AP3B1: variants seen among roughly 807,000 people sequenced by gnomAD.
The protein encoded by AP3B1 is AP-3 complex subunit beta-1.
AP3B1 carries 61 observed loss-of-function variants against 132.5 expected under a neutral mutation model. That is an observed-to-expected ratio of 0.46 (90% CI 0.37 to 0.57). AP3B1 has a LOEUF of 0.57. AP3B1 is among the 20% of genes least tolerant of loss of function. AP3B1 has a pLI of 0.00. For missense variants in AP3B1, 1,120 were observed against 1,289.4 expected (o/e 0.87, Z 2.01); for synonymous variants, 388 against 438.3 (o/e 0.89, Z 1.43).
chr5:78,178,529 C>T (rs140791788), intron 8 of AP3B1, among the ~76,000 whole-genome samples: 209 of 152,120 alleles, frequency 1.4e-3, no homozygotes, highest in Middle Eastern at 3.4e-3. Flanking sequence ...GGTTGGGACA[C>T]GAGAATCATT....
intron 2 of AP3B1, among the ~76,000 whole-genome samples, chr5:78,262,724 G>A (rs1748148130): frequency 6.7e-6 from 1 of 149,690 alleles, no homozygotes; most frequent in Non-Finnish European, 1.5e-5. Flanking sequence ...ATGGGGTCTC[G>A]CTCTGTTGCC....
chr5:78,119,366 A>G (rs1752041324), intron 17 of AP3B1, among the ~76,000 whole-genome samples: 1 of 152,210 alleles, frequency 6.6e-6, no homozygotes, highest in Non-Finnish European at 1.5e-5. Context: ...CTGAGAGAAG[A>G]AGGCTTCAGA....
chr5:78,044,312 G>C (rs1321059133), intron 22 of AP3B1, among the ~76,000 whole-genome samples: 2 of 152,198 alleles, frequency 1.3e-5, no homozygotes, highest in African/African-American at 2.4e-5. Flanking sequence ...CTAAGGCTAT[G>C]ATAATCAACC....
intron 14 of AP3B1, among the ~76,000 whole-genome samples, chr5:78,150,162 C>T (rs1244163305): frequency 6.6e-6 from 1 of 152,188 alleles, no homozygotes; most frequent in Non-Finnish European, 1.5e-5. Flanking sequence ...CCCTAAACTA[C>T]ATCTGCATTT....
At chr5:78,271,497 T>C (rs911873925) in intron 1 of AP3B1, among the ~76,000 whole-genome samples, 1 of 152,156 alleles carries the variant, frequency 6.6e-6, no homozygotes, top group African/African-American at 2.4e-5. Flanking sequence ...ATTCCTCCTA[T>C]ACTGTTCACA....
chr5:78,271,449 A>G (rs1748543045), intron 1 of AP3B1, among the ~76,000 whole-genome samples: 2 of 152,098 alleles, frequency 1.3e-5, no homozygotes, highest in South Asian at 4.1e-4. Context: ...CAAACTTTCT[A>G]AAAGTCAGAA....
chr5:78,244,049 G>C lies in AP3B1; in HGVS notation c.205-3113C>G, dbSNP rs180896424. On this transcript the variant is annotated intron_variant, in intron 2 of 26. Transcript: ENST00000255194. ...AGAGGAAAGATAGTGAGCACAGTGA[G>C]AATGGGCTAGATTTGGGATTTATTC... 3.2e-3 allele frequency among the ~76,000 whole-genome samples: 489 copies of C among 152,332 alleles called. 3 individuals are homozygous for C. Among genetic ancestry groups the C allele is most frequent in the African/African-American group, 0.011 (447 of 41,576 alleles).
intron 22 of AP3B1, among the ~76,000 whole-genome samples, chr5:78,047,435 CA>C (rs1235684372): frequency 6.6e-6 from 1 of 152,150 alleles, no homozygotes; most frequent in East Asian, 1.9e-4. Context: ...TTTTGATTTG[CA>C]TTTCTCTAAT....
chr5:78,223,402 G>A (rs958624168), intron 6 of AP3B1, among the ~76,000 whole-genome samples: 6 of 152,052 alleles, frequency 3.9e-5, no homozygotes, highest in African/African-American at 1.2e-4. Context: ...ATCTACCTAT[G>A]AACACTGAGC....
chr5:78,235,893 A>G (rs1244044057), intron 3 of AP3B1, among the ~76,000 whole-genome samples: 1 of 152,224 alleles, frequency 6.6e-6, no homozygotes. Flanking sequence ...ATGGTAGATG[A>G]CGTACAGCTC....
intron 11 of AP3B1, among the ~76,000 whole-genome samples, chr5:78,171,948 AG>A (rs1743936582): frequency 1.3e-5 from 2 of 152,304 alleles, no homozygotes; most frequent in African/African-American, 2.4e-5. Context: ...TTTAGCATGA[AG>A]GGCTGTTGAA....
intron 14 of AP3B1, among the ~76,000 whole-genome samples, chr5:78,144,836 T>C (rs1056856591): frequency 1.3e-5 from 2 of 149,872 alleles, no homozygotes; most frequent in Non-Finnish European, 3.0e-5. Context: ...TGTTTTGTTG[T>C]TGTTGTTGTT....
chr5:78,266,017 G>GT (rs1339009396), intron 2 of AP3B1, among the ~76,000 whole-genome samples: 46 of 152,286 alleles, frequency 3.0e-4, no homozygotes, highest in African/African-American at 1.1e-3. Context: ...TGCATAAACT[G>GT]AGTAACAGAT....
chr5:78,050,106 T>C (rs971096992), intron 22 of AP3B1, among the ~76,000 whole-genome samples: 1 of 152,136 alleles, frequency 6.6e-6, no homozygotes, highest in Non-Finnish European at 1.5e-5. Context: ...CTATAGGTTA[T>C]TCCCTGGGAC....
chr5:78,294,494 G>C lies in AP3B1; in HGVS notation c.86C>G (p.Ser29Cys), dbSNP rs746625977. 3.1e-6 allele frequency: 5 copies of C among 1,614,256 alleles called. No individual in the cohort carries two copies. The East Asian group carries it at 1.1e-4, about 36-fold the overall frequency. Residue 29 changes from serine to cysteine, a missense_variant, in exon 1 of 27, where the codon TCC (serine) becomes TGC (cysteine). Physicochemically the swap from Ser to Cys is moderately radical, Grantham distance 112. Coordinates refer to ENST00000255194, the MANE Select transcript of AP3B1 (RefSeq NM_003664.5). ...AAAGAGGCCGAAGGCCCCCGAGGGGGAAATGGTTGAGGTCGCCTCCTGACC... is the reference window on the plus strand; with the variant it reads ...AAAGAGGCCGAAGGCCCCCGAGGGGCAAATGGTTGAGGTCGCCTCCTGACC... ...ELGQEATSTI[S>C]PSGAFGLFSS...
rs909652547 is a variant in AP3B1 at position 78,188,978 on chromosome 5, C to CA, written c.787-7317dup. On this transcript the variant is annotated intron_variant, in intron 7 of 26. Transcript: ENST00000255194. ...CATTCTCAGCAAACTAATGCAGGAA[C>CA]AAAAAACCAAACACCACGTTCTCAC... Among the ~76,000 whole-genome samples, 183 of 152,176 alleles carry CA rather than the reference C, an allele frequency of 1.2e-3. 2 individuals are homozygous for CA. Among genetic ancestry groups the CA allele is most frequent in the African/African-American group, 3.9e-3 (163 of 41,526 alleles).
intron 6 of AP3B1, among the ~76,000 whole-genome samples, chr5:78,221,743 AT>A (rs1177562653): frequency 2.6e-5 from 4 of 151,966 alleles, no homozygotes; most frequent in African/African-American, 4.8e-5. Flanking sequence ...AAGAAAAAAA[AT>A]AACAGAATTA....
At chr5:78,070,234 C>A (rs1489791706) in intron 22 of AP3B1, among the ~76,000 whole-genome samples, 1 of 151,682 alleles carries the variant, frequency 6.6e-6, no homozygotes, top group African/African-American at 2.4e-5. Flanking sequence ...TGGTGAAACC[C>A]CGTATCTACT....
chr5:78,248,304 A>G (rs1747461472), intron 2 of AP3B1, among the ~76,000 whole-genome samples: 1 of 151,978 alleles, frequency 6.6e-6, no homozygotes, highest in East Asian at 1.9e-4. Flanking sequence ...AGCCTGGCCA[A>G]TATGGTGAAA....
Sources: allele counts gnomAD v4.1 joint callset (sites outside exome capture counted in the v4.1 genomes callset), GRCh38; gene constraint gnomAD v4.1.1; transcripts MANE v1.5; gene names NCBI Gene and HGNC (gene_info 2026-07-23, HGNC 2026-07-21).